Variants in SNX25 observed in about 807,000 individuals in gnomAD.
SNX25 encodes sorting nexin-25.
SNX25 carries 62 observed loss-of-function variants against 113.7 expected under a neutral mutation model. The ratio of observed to expected loss-of-function variants is 0.55; its 90% CI spans 0.44 to 0.67. The LOEUF is 0.67. Ranked by LOEUF, SNX25 falls within the 30% of genes least tolerant of loss-of-function variation. SNX25 has a pLI of 0.00. For missense variants in SNX25, 1,014 were observed against 1,161.0 expected (o/e 0.87, Z 1.84); for synonymous variants, 421 against 436.2 (o/e 0.97, Z 0.43).
chr4:185,207,766 G>A (rs1737252052), upstream of SNX25: 1 of 150,466 alleles, frequency 6.6e-6, no homozygotes, highest in Non-Finnish European at 1.5e-5. Context: ...CTGTGTAGAT[G>A]GAGATAATGG....
At chr4:185,267,761 C>G (rs939635554) in intron 5 of SNX25, among the ~76,000 whole-genome samples, 2 of 151,608 alleles carry the variant, frequency 1.3e-5, no homozygotes, top group Non-Finnish European at 2.9e-5. Flanking sequence ...TCTCCAAATA[C>G]TTAACTACTA....
At chr4:185,206,099 G>A (rs146025663), upstream of SNX25, among the ~76,000 whole-genome samples, 3 of 152,256 alleles carry the variant, frequency 2.0e-5, no homozygotes, top group East Asian at 5.8e-4. Flanking sequence ...AAAATAGTAT[G>A]GCATGTTCTG....
intron 1 of SNX25, among the ~76,000 whole-genome samples, chr4:185,238,803 A>G (rs1336486627): frequency 1.3e-5 from 2 of 152,198 alleles, no homozygotes; most frequent in East Asian, 1.9e-4. Context: ...AATGTATGTA[A>G]TGGAGGTGAG....
At position 185,328,162 on chromosome 4, in the gene SNX25, T is replaced by C. The variant is rs191390467; in HGVS notation, c.1749+4362T>C. The stretch of plus-strand genomic sequence containing the variant: ...CAACCAGAAGAAGATCCAGTAGTTA[T>C]AAGATTTTTTTTTTCTAATTTCCCA... On this transcript the variant is annotated intron_variant, in intron 9 of 18. Coordinates refer to ENST00000652585, the MANE Select transcript of SNX25 (RefSeq NM_001378034.2). 3.3e-4 allele frequency among the ~76,000 whole-genome samples: 51 copies of C among 152,330 alleles called. No individual in the cohort carries two copies. The South Asian group carries it at 7.5e-3, about 22-fold the overall frequency.
chr4:185,246,161 T>G (rs569887807), intron 1 of SNX25, among the ~76,000 whole-genome samples: 1 of 152,272 alleles, frequency 6.6e-6, no homozygotes, highest in East Asian at 1.9e-4. Context: ...GTCGTGGGCC[T>G]GAAGTCCCAG....
At chr4:185,325,563 G>A (rs1253208883) in intron 9 of SNX25, among the ~76,000 whole-genome samples, 1 of 151,042 alleles carries the variant, frequency 6.6e-6, no homozygotes. Flanking sequence ...ACAAATCATG[G>A]TAGGACTGAT....
intron 1 of SNX25, among the ~76,000 whole-genome samples, chr4:185,231,711 CAAAA>C (rs35635272): frequency 1.5e-5 from 2 of 134,342 alleles, no homozygotes; most frequent in Non-Finnish European, 3.2e-5. Context: ...ACTCCATCTT[CAAAA>C]AAAAAAAAAA....
At position 185,265,599 on chromosome 4, in the gene SNX25, C is replaced by T. The variant is rs564957311; in HGVS notation, c.904+989C>T. On this transcript the variant is annotated intron_variant, in intron 4 of 18. Transcript: ENST00000652585. ...CACTGCAGACTTCATAAACAGTGTA[C>T]GCTTAGGCTACACTACATTTATTTA... is the stretch of plus-strand genomic sequence containing the variant. Among the ~76,000 whole-genome samples the T allele has an allele frequency of 8.5e-5, 13 of 152,280 alleles. No homozygotes were observed. The South Asian group carries it at 1.7e-3, about 19-fold the overall frequency.
chr4:185,349,384 A>T (rs565157155), intron 13 of SNX25, among the ~76,000 whole-genome samples: 3 of 152,266 alleles, frequency 2.0e-5, no homozygotes, highest in Admixed American at 2.0e-4. Flanking sequence ...GGGAATGCAG[A>T]TATATCTTTG....
intron 7 of SNX25, among the ~76,000 whole-genome samples, chr4:185,318,219 A>C (rs1664353777): frequency 6.6e-6 from 1 of 152,198 alleles, no homozygotes; most frequent in Admixed American, 6.5e-5. Context: ...AGAATTTCAA[A>C]ATGTAAGTTT....
At chr4:185,319,041 A>G (rs2126680887) in intron 7 of SNX25, among the ~76,000 whole-genome samples, 2 of 149,096 alleles carry the variant, frequency 1.3e-5, no homozygotes, top group South Asian at 4.2e-4. Context: ...GTGGATTACC[A>G]TACTCTCCTC....
chr4:185,339,889 T>A (rs2095251045), intron 11 of SNX25, among the ~76,000 whole-genome samples: 1 of 152,250 alleles, frequency 6.6e-6, no homozygotes, highest in Admixed American at 6.5e-5. Context: ...TCCTGCCAAC[T>A]TCAATTGCTT....
At chr4:185,341,469 C>T (rs2095259622) in intron 11 of SNX25, among the ~76,000 whole-genome samples, 1 of 152,220 alleles carries the variant, frequency 6.6e-6, no homozygotes, top group Non-Finnish European at 1.5e-5. Context: ...ACATTTCATG[C>T]TTAAAGCAAC....
chr4:185,275,908 C>CA (rs1422709566), intron 5 of SNX25, among the ~76,000 whole-genome samples: 1 of 151,882 alleles, frequency 6.6e-6, no homozygotes, highest in African/African-American at 2.4e-5. Flanking sequence ...AATTTAGTTC[C>CA]AAAAAAACTC....
the SNX25 span, among the ~76,000 whole-genome samples, chr4:185,376,220 T>C: frequency 6.6e-6 from 1 of 152,174 alleles, no homozygotes; most frequent in South Asian, 2.1e-4. Context: ...AAGCTTCCCC[T>C]AAGTACTAGA....
intron 6 of SNX25, among the ~76,000 whole-genome samples, chr4:185,305,486 A>G (rs1754332515): frequency 6.6e-6 from 1 of 152,204 alleles, no homozygotes; most frequent in Admixed American, 6.5e-5. Flanking sequence ...ATGAGTTTGC[A>G]CTTTAAGTTA....
At chr4:185,212,545 C>T (rs537786078) in intron 1 of SNX25, among the ~76,000 whole-genome samples, 22 of 141,554 alleles carry the variant, frequency 1.6e-4, no homozygotes, top group Admixed American at 8.3e-4. Context: ...CAAGCCACCA[C>T]GCCTGGCTAA....
In SNX25 at chr4:185,266,956, C is replaced by T. The variant is rs1401118850; in HGVS notation, c.905-13C>T. The T allele has an allele frequency of 1.2e-6, 2 of 1,603,872 alleles. No individual in the cohort carries two copies. Among genetic ancestry groups the T allele is most frequent in the Non-Finnish European group, 1.7e-6 (2 of 1,175,220 alleles). On this transcript the variant is annotated splice_polypyrimidine_tract_variant and intron_variant, in intron 4 of 18. Coordinates refer to ENST00000652585, the MANE Select transcript of SNX25 (RefSeq NM_001378034.2). Reference sequence around the variant, plus strand: ...ATACCTTTCTCAGTGGCTATTTCTTCTTCTTCCTGTAGTCTTGAAGCCGGT... The same window carrying T: ...ATACCTTTCTCAGTGGCTATTTCTTTTTCTTCCTGTAGTCTTGAAGCCGGT...
rs143930894 is a variant in SNX25, at chr4:185,276,270, C to T, written c.1091+9115C>T. On this transcript the variant is annotated intron_variant, in intron 5 of 18. Coordinates refer to ENST00000652585, the MANE Select transcript of SNX25 (RefSeq NM_001378034.2). ...ACTTAACTCAAGATATGGCACATTT[C>T]CCTCTATTAGCCACCACTGTAGTTG... Among the ~76,000 whole-genome samples the T allele has an allele frequency of 3.9e-3, 587 of 152,252 alleles. 2 individuals are homozygous for T. Among genetic ancestry groups the T allele is most frequent in the African/African-American group, 0.013 (539 of 41,558 alleles).
Sources: gnomAD v4.1 joint callset for allele counts (sites outside exome capture counted in the v4.1 genomes callset) on GRCh38, gnomAD v4.1.1 for gene constraint, MANE v1.5 for transcripts, NCBI Gene and HGNC (gene_info 2026-07-23, HGNC 2026-07-21) for gene names.